The following TRPM3 variants were observed in gnomAD, a reference collection of about 807,000 sequenced individuals.
The protein encoded by TRPM3 is long transient receptor potential channel 3.
TRPM3 carries 77 observed loss-of-function variants against 181.2 expected under a neutral mutation model. That is an observed-to-expected ratio of 0.42 (90% CI 0.35 to 0.51). The LOEUF (loss-of-function observed/expected upper bound fraction) is 0.51, where lower values mean the gene tolerates loss of function less well. TRPM3 is among the 20% of genes least tolerant of loss of function. TRPM3 has a pLI of 0.01. For synonymous variants in TRPM3, 745 were observed against 796.4 expected (o/e 0.94, Z 1.09); for missense variants, 1,759 against 2,196.7 (o/e 0.80, Z 3.98).
intron 9 of TRPM3, among the ~76,000 whole-genome samples, chr9:70,660,987 A>G (rs1363132057): frequency 1.3e-5 from 2 of 152,160 alleles, no homozygotes; most frequent in African/African-American, 2.4e-5. Context: ...TCAAAAAAAG[A>G]AAACTACAGA....
At chr9:71,307,962 CTT>C (rs1017880673) in intron 1 of TRPM3, among the ~76,000 whole-genome samples, 5 of 149,662 alleles carry the variant, frequency 3.3e-5, no homozygotes, top group South Asian at 4.2e-4. Context: ...GTTATTTTTT[CTT>C]TCTTTCTTTC....
At chr9:71,177,814 C>T (rs2077187247) in intron 1 of TRPM3, among the ~76,000 whole-genome samples, 1 of 151,680 alleles carries the variant, frequency 6.6e-6, no homozygotes, top group African/African-American at 2.4e-5. Context: ...TGGAGCGTCA[C>T]ATAGGGTTAT....
At chr9:71,056,834 T>C (rs999417882) in intron 1 of TRPM3, among the ~76,000 whole-genome samples, 10 of 151,986 alleles carry the variant, frequency 6.6e-5, no homozygotes, top group African/African-American at 2.2e-4. Flanking sequence ...GACCACCCAG[T>C]GTATGTTACT....
At chr9:70,886,504 G>A (rs1331684084) in intron 1 of TRPM3, among the ~76,000 whole-genome samples, 2 of 152,120 alleles carry the variant, frequency 1.3e-5, no homozygotes, top group Admixed American at 1.3e-4. Context: ...CGGGTCTACA[G>A]TGCTTACTTC....
intron 1 of TRPM3, among the ~76,000 whole-genome samples, chr9:70,953,054 C>A (rs986124308): frequency 8.5e-5 from 13 of 152,158 alleles, no homozygotes; most frequent in African/African-American, 3.1e-4. Context: ...TAAAGCTGGA[C>A]GGTCATCTAC....
chr9:71,192,368 A>G (rs2078085075), intron 1 of TRPM3, among the ~76,000 whole-genome samples: 2 of 151,900 alleles, frequency 1.3e-5, no homozygotes, highest in Non-Finnish European at 2.9e-5. Context: ...GATTAAGGAC[A>G]CTAATAAATT....
At chr9:70,586,505 A>G (rs1043125472) in intron 22 of TRPM3, among the ~76,000 whole-genome samples, 1 of 152,248 alleles carries the variant, frequency 6.6e-6, no homozygotes, top group Non-Finnish European at 1.5e-5. Context: ...TTTCAGGGAC[A>G]GAAAATGAGG....
At chr9:71,324,621 C>G (rs1439279475) in intron 1 of TRPM3, among the ~76,000 whole-genome samples, 1 of 151,888 alleles carries the variant, frequency 6.6e-6, no homozygotes, top group Admixed American at 6.6e-5. Flanking sequence ...TACTGGGTAT[C>G]TATTCAAAGG....
chr9:71,187,930 G>GATAGATAC (rs1423591147), intron 1 of TRPM3, among the ~76,000 whole-genome samples: 1 of 89,646 alleles, frequency 1.1e-5, no homozygotes, highest in Non-Finnish European at 2.5e-5. Flanking sequence ...TAGATAGATA[G>GATAGATAC]ATAGATAGAT....
At chr9:70,545,042 T>G (rs1481076180) in intron 25 of TRPM3, among the ~76,000 whole-genome samples, 1 of 152,194 alleles carries the variant, frequency 6.6e-6, no homozygotes, top group Non-Finnish European at 1.5e-5. Flanking sequence ...TATAGTTAGG[T>G]CTTAATACTC....
At chr9:70,608,643 CTGGCCAACG>C (rs1323624162) in intron 19 of TRPM3, among the ~76,000 whole-genome samples, 1 of 152,104 alleles carries the variant, frequency 6.6e-6, no homozygotes, top group Non-Finnish European at 1.5e-5. Context: ...CAAGACCAGC[CTGGCCAACG>C]TGGCAAAACC....
At chr9:70,983,306 C>T (rs2097383333) in intron 1 of TRPM3, among the ~76,000 whole-genome samples, 1 of 152,036 alleles carries the variant, frequency 6.6e-6, no homozygotes, top group African/African-American at 2.4e-5. Context: ...AGGATCAGTT[C>T]TAATACCTCA....
intron 1 of TRPM3, among the ~76,000 whole-genome samples, chr9:71,266,135 C>T (rs2083378498): frequency 1.3e-5 from 2 of 152,180 alleles, no homozygotes; most frequent in African/African-American, 4.8e-5. Flanking sequence ...CTGCCATTCT[C>T]TGTTTTCATA....
Position 70,621,233 on chromosome 9 carries a change from C to G in TRPM3, c.1839+11G>C. Reference sequence around the variant, plus strand: ...AAATCATTGACACTAATAATTTGGACAAACACTTACCTCCATTCCCAGCAG... The same window carrying G: ...AAATCATTGACACTAATAATTTGGAGAAACACTTACCTCCATTCCCAGCAG... On this transcript the variant is annotated intron_variant, in intron 15 of 25. Transcript: ENST00000677713. The G allele has an allele frequency of 6.3e-7, 1 of 1,587,270 alleles. No individual in the cohort carries two copies. Among genetic ancestry groups the G allele is most frequent in the Non-Finnish European group, 8.6e-7 (1 of 1,166,326 alleles).
chr9:70,681,685 G>C (rs781696548), intron 8 of TRPM3, 107 bp from the exon 9 acceptor site: 30 of 948,208 alleles, frequency 3.2e-5, no homozygotes, highest in Non-Finnish European at 4.9e-5. Context: ...CTACAAAGTA[G>C]ATTCTTAACC....
intron 1 of TRPM3, among the ~76,000 whole-genome samples, chr9:71,336,933 A>G (rs1434575704): frequency 6.6e-6 from 1 of 152,192 alleles, no homozygotes; most frequent in African/African-American, 2.4e-5. Flanking sequence ...CCTTCCTTAC[A>G]CCTTATACAA....
rs1203106626 is a variant in TRPM3, at chr9:71,420,681, AAGAG to A, written c.183+25968_183+25971del. Reference sequence around the variant, plus strand: ...AAAAAGAGAAAGAAAGAGAGAAAGAAAGAGAAAGGGAAAGAGAAAGAGAGAGAAA... The same window carrying A: ...AAAAAGAGAAAGAAAGAGAGAAAGAAAAAGGGAAAGAGAAAGAGAGAGAAA... On this transcript the variant is annotated intron_variant, in intron 1 of 24. Coordinates refer to the TRPM3 transcript ENST00000357533. 3.3e-4 allele frequency among the ~76,000 whole-genome samples: 29 copies of A among 88,908 alleles called. No individual in the cohort carries two copies. In the Admixed American group the frequency reaches 3.6e-3, roughly 11 times the overall value. 58.3% of individuals were successfully genotyped at this position (88,908 alleles called of 152,430 possible).
chr9:70,836,371 C>T (rs991871281), intron 5 of TRPM3, among the ~76,000 whole-genome samples: 2 of 152,166 alleles, frequency 1.3e-5, no homozygotes, highest in African/African-American at 4.8e-5. Context: ...ACCTGGATCT[C>T]TCCCCCTCAC....
chr9:70,745,136 T>G (rs899880219), intron 8 of TRPM3, among the ~76,000 whole-genome samples: 3 of 152,308 alleles, frequency 2.0e-5, no homozygotes, highest in East Asian at 1.9e-4. Context: ...TGCTTATTGT[T>G]TTTTGCATAT....
Sources: allele counts gnomAD v4.1 joint callset (sites outside exome capture counted in the v4.1 genomes callset), GRCh38; gene constraint gnomAD v4.1.1; transcripts MANE v1.5; gene names NCBI Gene and HGNC (gene_info 2026-07-23, HGNC 2026-07-21).